The following OSBPL6 variants were observed in gnomAD, a reference collection of about 807,000 sequenced individuals.
OSBPL6 encodes the protein oxysterol-binding protein-related protein 6.
In OSBPL6, 49 loss-of-function variants were observed where a neutral mutation model predicts 125.8. The ratio of observed to expected loss-of-function variants is 0.39; its 90% CI spans 0.31 to 0.49. The LOEUF (loss-of-function observed/expected upper bound fraction) is 0.49, where lower values mean the gene tolerates loss of function less well. OSBPL6 is among the 20% of genes least tolerant of loss of function. OSBPL6 has a pLI of 0.88. For synonymous variants in OSBPL6, 394 were observed against 391.8 expected, an observed-to-expected ratio of 1.01 and a Z score of -0.07; for missense variants, 986 against 1,135.4, an observed-to-expected ratio of 0.87 and a Z score of 1.89.
chr2:178,351,064 T>C (rs377031979), intron 12 of OSBPL6, among the ~76,000 whole-genome samples: 1 of 152,100 alleles, frequency 6.6e-6, no homozygotes, highest in Non-Finnish European at 1.5e-5. Flanking sequence ...ACACTCTTAA[T>C]GGTTTAGGTA....
chr2:178,378,719 C>T lies in OSBPL6; in HGVS notation c.1534-3701C>T, dbSNP rs143524983. ...AGCCTTGGCTCTTTGTGCAGGGTAG[C>T]GTGAATTGACCACAGCAAGATAGCC... is the stretch of plus-strand genomic sequence containing the variant. On this transcript the variant is annotated intron_variant, in intron 15 of 24. Coordinates refer to ENST00000190611, the MANE Select transcript of OSBPL6 (RefSeq NM_032523.4). 7.7e-4 allele frequency among the ~76,000 whole-genome samples: 117 copies of T among 152,280 alleles called. No individual in the cohort carries two copies. The East Asian group carries it at 0.019, about 25-fold the overall frequency.
Position 178,373,988 on chromosome 2 carries a change from C to T in OSBPL6, c.1494C>T (p.Ala498=). 2 of 1,614,064 alleles carry T rather than the reference C, an allele frequency of 1.2e-6. No homozygotes were observed. The highest frequency in any genetic ancestry group is 1.7e-6 in the Non-Finnish European group (2 of 1,179,970). ...AGTCTGTTTCTGAGTTCTTTGATGC[C>T]CAAGAGGTGCTCCTCTCTGCAAGTT... ...MSESVSEFFD[A]QEVLLSASSS... is the part of the protein sequence containing the mutation. Residue 498 remains alanine, a synonymous_variant, in exon 15 of 25, where the codon GCC becomes GCT. Transcript: ENST00000190611.
At chr2:178,360,053 C>T (rs531062298) in intron 12 of OSBPL6, among the ~76,000 whole-genome samples, 1 of 149,770 alleles carries the variant, frequency 6.7e-6, no homozygotes, top group Non-Finnish European at 1.5e-5. Flanking sequence ...CCGCTGCACT[C>T]CATCCTGGGT....
chr2:178,199,662 A>G (rs2089133122), intron 1 of OSBPL6, among the ~76,000 whole-genome samples: 1 of 150,512 alleles, frequency 6.6e-6, no homozygotes, highest in African/African-American at 2.5e-5. Context: ...AGAAAGCTCT[A>G]TGTATTCATC....
At chr2:178,261,003 G>T (rs946122956) in intron 1 of OSBPL6, among the ~76,000 whole-genome samples, 6 of 152,074 alleles carry the variant, frequency 3.9e-5, no homozygotes, top group African/African-American at 1.4e-4. Context: ...GTGATGGCAG[G>T]CGCCTGTAAT....
rs201302281 is a variant in OSBPL6, at chr2:178,349,402, A to C, written c.1153+13A>C. 3.7e-6 allele frequency: 6 copies of C among 1,611,758 alleles called. No homozygotes were observed. The African/African-American group carries it at 8.0e-5, about 21-fold the overall frequency. Reference sequence around the variant, plus strand: ...ATCGCACAGAAAGGTAAGAACAAAAATAATGCGCCCTTTAAAGAAGCTCTC... The same window carrying C: ...ATCGCACAGAAAGGTAAGAACAAAACTAATGCGCCCTTTAAAGAAGCTCTC... On this transcript the variant is annotated intron_variant, in intron 12 of 24. Transcript: ENST00000190611.
chr2:178,327,921 G>T (rs1386840301), intron 4 of OSBPL6, among the ~76,000 whole-genome samples: 2 of 152,190 alleles, frequency 1.3e-5, no homozygotes, highest in African/African-American at 4.8e-5. Context: ...ACTTTAAAGT[G>T]CCTCTGTGTT....
chr2:178,263,304 C>A (rs1559176126), intron 1 of OSBPL6, among the ~76,000 whole-genome samples: 1 of 152,176 alleles, frequency 6.6e-6, no homozygotes, highest in Non-Finnish European at 1.5e-5. Context: ...CATGGTGAAA[C>A]CCCATCTCTA....
intron 1 of OSBPL6, among the ~76,000 whole-genome samples, chr2:178,246,014 C>T (rs781509458): frequency 6.6e-5 from 10 of 152,188 alleles, no homozygotes; most frequent in Non-Finnish European, 1.3e-4. Context: ...GGAAGCTGAC[C>T]TGGTAGCCTC....
chr2:178,319,769 C>T (rs1325550835), intron 3 of OSBPL6, among the ~76,000 whole-genome samples: 1 of 152,144 alleles, frequency 6.6e-6, no homozygotes, highest in Non-Finnish European at 1.5e-5. Flanking sequence ...AAAGTAGCAG[C>T]TATAACTAGA....
At chr2:178,288,405 C>A (rs1048504842) in intron 2 of OSBPL6, among the ~76,000 whole-genome samples, 2 of 152,160 alleles carry the variant, frequency 1.3e-5, no homozygotes, top group Non-Finnish European at 2.9e-5. Context: ...AAGGGCTGTG[C>A]CCCAGGCCAG....
chr2:178,298,717 T>C (rs1458494613), intron 2 of OSBPL6, among the ~76,000 whole-genome samples: 1 of 151,690 alleles, frequency 6.6e-6, no homozygotes, highest in African/African-American at 2.4e-5. Flanking sequence ...TTTTTTTTTT[T>C]TTGCCGTACT....
intron 13 of OSBPL6, among the ~76,000 whole-genome samples, chr2:178,370,147 C>A (rs1693239823): frequency 6.6e-6 from 1 of 152,118 alleles, no homozygotes; most frequent in African/African-American, 2.4e-5. Context: ...TACCTGTAAT[C>A]CCAGCTACTT....
chr2:178,264,633 C>G (rs901536905), intron 1 of OSBPL6, among the ~76,000 whole-genome samples: 2 of 152,184 alleles, frequency 1.3e-5, no homozygotes, highest in Non-Finnish European at 2.9e-5. Flanking sequence ...AATACTTCCT[C>G]TGTGTGTGTA....
chr2:178,262,345 ATTGT>A (rs1220181756), intron 1 of OSBPL6, among the ~76,000 whole-genome samples: 10 of 152,318 alleles, frequency 6.6e-5, no homozygotes, highest in African/African-American at 1.7e-4. Flanking sequence ...GTGTGAAATA[ATTGT>A]TTGAGTATTA....
chr2:178,285,295 C>CT lies in OSBPL6; in HGVS notation c.-156+184dup, dbSNP rs544867270. The stretch of plus-strand genomic sequence containing the variant: ...GTCATAATCCTTATAATAAAAAGTT[C>CT]TTTTTTTTTTAAGGATAGGAAGTAG... On this transcript the variant is annotated intron_variant, in intron 2 of 24. Transcript: ENST00000190611. 4.0e-3 allele frequency among the ~76,000 whole-genome samples: 598 copies of CT among 147,772 alleles called. 1 individual carries two copies. The highest frequency in any genetic ancestry group is 9.3e-3 in the African/African-American group (373 of 40,318).
chr2:178,328,819 C>T (rs951925341), intron 5 of OSBPL6, among the ~76,000 whole-genome samples: 2 of 152,080 alleles, frequency 1.3e-5, no homozygotes, highest in African/African-American at 2.4e-5. Context: ...TTATTTTAAC[C>T]ACATGGGTTG....
At chr2:178,263,096 C>G (rs924400362) in intron 1 of OSBPL6, among the ~76,000 whole-genome samples, 3 of 152,116 alleles carry the variant, frequency 2.0e-5, no homozygotes, top group African/African-American at 7.2e-5. Context: ...TTTGCTGGAT[C>G]TTATCTGTTC....
At chr2:178,219,365 T>C (rs139318141) in intron 1 of OSBPL6, among the ~76,000 whole-genome samples, 187 of 152,294 alleles carry the variant, frequency 1.2e-3, no homozygotes, top group African/African-American at 3.9e-3. Context: ...AAATAGTAGG[T>C]GGCAAAGCCA....
Sources: allele counts gnomAD v4.1 joint callset (sites outside exome capture counted in the v4.1 genomes callset), GRCh38; gene constraint gnomAD v4.1.1; transcripts MANE v1.5; gene names NCBI Gene and HGNC (gene_info 2026-07-23, HGNC 2026-07-21).